BNIP3: variants seen among roughly 807,000 people sequenced by gnomAD.
BNIP3 encodes BCL2 interacting protein 3, also known as BCL2/adenovirus E1B 19 kDa protein-interacting protein 3.
In BNIP3, 16 loss-of-function variants were observed where a neutral mutation model predicts 23.9. The ratio of observed to expected loss-of-function variants is 0.67; its 90% confidence interval spans 0.45 to 1.01. The LOEUF (loss-of-function observed/expected upper bound fraction) is 1.01, where lower values mean the gene tolerates loss of function less well. Ranked by LOEUF, BNIP3 falls within the 50% of genes least tolerant of loss-of-function variation. The pLI is 0.00. For missense variants in BNIP3, 198 were observed against 248.7 expected, an observed-to-expected ratio of 0.80 and a Z score of 1.37; for synonymous variants, 81 against 89.3, an observed-to-expected ratio of 0.91 and a Z score of 0.53.
At chr10:131,973,246 T>TC (rs1208520586) in intron 2 of BNIP3, 128 bp from the exon 3 acceptor site, 5 of 915,216 alleles carry the variant, frequency 5.5e-6, no homozygotes, top group Non-Finnish European at 8.5e-6. Context: ...GTACGCGTCT[T>TC]CCCTTCCACC....
At chr10:131,979,876 G>C (rs558934466) in intron 1 of BNIP3, among the ~76,000 whole-genome samples, 20 of 152,340 alleles carry the variant, frequency 1.3e-4, no homozygotes, top group African/African-American at 4.3e-4. Flanking sequence ...ATTGTTCTCT[G>C]TTCCGAGGTC....
chr10:131,981,397 C>T, intron 1 of BNIP3: 1 of 334,854 alleles, frequency 3.0e-6, no homozygotes, highest in Non-Finnish European at 5.4e-6. Flanking sequence ...CTACAGACCG[C>T]GGAGGGCAAC....
In BNIP3 at chr10:131,981,609, GGGGTGGGTACGGAAGGGGA is replaced by G. The variant is rs1033873752; in HGVS notation, c.46+133_46+151del. On this transcript the variant is annotated intron_variant, in intron 1 of 5. Coordinates refer to ENST00000368636, the MANE Select transcript of BNIP3 (RefSeq NM_004052.4). Reference sequence around the variant, plus strand: ...CCCCGGGCTCCGCATGCCCGCAGGAGGGGTGGGTACGGAAGGGGAGGATGGCGCAGCCTCGCCCGGCCCG... The same window carrying G: ...CCCCGGGCTCCGCATGCCCGCAGGAGGGATGGCGCAGCCTCGCCCGGCCCG... 7.0e-4 allele frequency: 699 copies of G among 995,686 alleles called. 12 individuals carry two copies. In the East Asian group the frequency reaches 0.022, roughly 31 times the overall value. The allele number at this position is 995,686 out of a possible 1,614,324, so 61.7% of individuals were successfully genotyped here. A position where few individuals can be genotyped will look rare whatever the true frequency, so the allele number is the denominator to read the frequency against.
intron 1 of BNIP3, chr10:131,980,768 A>AGAGGTTT (rs966293163): frequency 2.6e-5 from 4 of 152,202 alleles, no homozygotes; most frequent in African/African-American, 9.6e-5. Context: ...GTTCACTGTC[A>AGAGGTTT]GAGGTTTCAG....
chr10:131,973,878 T>C lies in BNIP3; in HGVS notation c.112A>G (p.Ile38Val). ...NGGSVPASVS[I>V]YNGDMEKILL... ...ATTTTTTCCATGTCTCCATTATAAA[T>C]AGAAACCGAGGCTGGAACGCTGCCC... The change falls in exon 2 of 6, where the codon ATT becomes GTT. Residue 38 changes from isoleucine to valine, a missense_variant. Ile to Val is a conservative substitution (Grantham distance 29). Coordinates refer to ENST00000368636, the MANE Select transcript of BNIP3 (RefSeq NM_004052.4). 10 of 1,613,266 alleles carry C rather than the reference T, an allele frequency of 6.2e-6. No individual in the cohort carries two copies. The highest frequency in any genetic ancestry group is 2.2e-5 in the East Asian group (1 of 44,886).
In BNIP3 at chr10:131,972,826, C is replaced by G. The variant is rs573865425; in HGVS notation, c.282+208G>C. The stretch of plus-strand genomic sequence containing the variant: ...TGCCTGTCCCACTCGGCGCCTCCCC[C>G]GCTCAGCTGAGTGTCCAGCCCATGT... On this transcript the variant is annotated intron_variant, in intron 3 of 5. Transcript: ENST00000368636. 3.0e-4 allele frequency among the ~76,000 whole-genome samples: 46 copies of G among 152,214 alleles called. 1 individual carries two copies. Among genetic ancestry groups the G allele is most frequent in the Non-Finnish European group, 4.1e-4 (28 of 68,034 alleles).
intron 1 of BNIP3, chr10:131,981,337 C>A: frequency 4.3e-6 from 1 of 233,946 alleles, no homozygotes; most frequent in East Asian, 8.2e-5. Context: ...TCATAACAGG[C>A]CACTTGCCAC....
At chr10:131,969,030 G>C (rs1269454032) in intron 5 of BNIP3, 1 of 159,002 alleles carries the variant, frequency 6.3e-6, no homozygotes, top group Admixed American at 6.1e-5. Flanking sequence ...AAGGCTTTTC[G>C]GCAATAGAGA....
At chr10:131,974,410 C>T (rs961131900) in intron 1 of BNIP3, among the ~76,000 whole-genome samples, 1 of 152,208 alleles carries the variant, frequency 6.6e-6, no homozygotes, top group African/African-American at 2.4e-5. Flanking sequence ...CTTTTCGAGA[C>T]GGAGTCTCGC....
intron 2 of BNIP3, 190 bp downstream of exon 2, chr10:131,973,603 A>G: frequency 1.4e-6 from 1 of 691,510 alleles, no homozygotes; most frequent in Non-Finnish European, 2.3e-6. Flanking sequence ...ACTAAGTCCC[A>G]GGTCACTGCA....
chr10:131,972,469 G>C (rs2133692096), intron 3 of BNIP3, among the ~76,000 whole-genome samples: 1 of 152,326 alleles, frequency 6.6e-6, no homozygotes, highest in African/African-American at 2.4e-5. Flanking sequence ...TCCGGCACCA[G>C]TTAGCTCAGG....
chr10:131,972,322 A>G (rs2037042585), intron 3 of BNIP3, among the ~76,000 whole-genome samples: 1 of 152,158 alleles, frequency 6.6e-6, no homozygotes, highest in Admixed American at 6.5e-5. Context: ...TGGGAGGATC[A>G]CTTGAGCCCT....
intron 3 of BNIP3, 142 bp from the exon 4 acceptor site, chr10:131,971,112 G>A (rs1382286265): frequency 1.4e-6 from 1 of 738,974 alleles, no homozygotes; most frequent in Non-Finnish European, 2.2e-6. Flanking sequence ...CGTGGTCCAA[G>A]GGGAGTCCTG....
In BNIP3 at chr10:131,981,902, G is replaced by A. The variant is rs916377215; in HGVS notation, c.-96C>T. ...GGGAAAGCGGAGGTCGGAGCGCCGC[G>A]GCCCAGCTGCGCTCCCGGACTGAGC... On this transcript the variant is annotated 5_prime_UTR_variant, in exon 1 of 6. Coordinates refer to ENST00000368636, the MANE Select transcript of BNIP3 (RefSeq NM_004052.4). 9 of 1,322,618 alleles carry A rather than the reference G, an allele frequency of 6.8e-6. No homozygotes were observed. Among genetic ancestry groups the A allele is most frequent in the East Asian group, 3.1e-5 (1 of 32,008 alleles). 81.9% of individuals were successfully genotyped at this position (1,322,618 alleles called of 1,614,324 possible). A position where few individuals can be genotyped will look rare whatever the true frequency, so the allele number is the denominator to read the frequency against.
intron 2 of BNIP3, 79 bp downstream of exon 2, chr10:131,973,714 C>T (rs1246322394): frequency 2.5e-6 from 4 of 1,571,738 alleles, no homozygotes. Flanking sequence ...CTAGAGGTGA[C>T]ACGGGCACTT....
Position 131,970,459 on chromosome 10 carries a change from T to G in BNIP3, c.539+179A>C. ...CCACAGGGCGCCTGTGCTGGGGCCT[T>G]TGGGGGCTGCAGGCTGGTGGTTTCT... On this transcript the variant is annotated intron_variant, in intron 5 of 5. Transcript: ENST00000368636. The surrounding 1 kb of genome is among the most constrained non-coding windows in gnomAD (Gnocchi z 4.1). The G allele has an allele frequency of 2.2e-6, 2 of 906,450 alleles. No homozygotes were observed. Among genetic ancestry groups the G allele is most frequent in the Non-Finnish European group, 3.2e-6 (2 of 616,702 alleles). The allele number at this position is 906,450 out of a possible 1,614,324, so 56.2% of individuals were successfully genotyped here.
chr10:131,979,068 T>TA (rs1306377621), intron 1 of BNIP3, among the ~76,000 whole-genome samples: 1 of 151,992 alleles, frequency 6.6e-6, no homozygotes, highest in African/African-American at 2.4e-5. Flanking sequence ...CCTCCTCTCC[T>TA]CCAGGACCCT....
rs1265270527 is a variant in BNIP3 at position 131,970,093 on chromosome 10, C to T, written c.539+545G>A. 4 of 153,506 alleles carry T rather than the reference C, an allele frequency of 2.6e-5. No individual in the cohort carries two copies. Among genetic ancestry groups the T allele is most frequent in the African/African-American group, 9.6e-5 (4 of 41,464 alleles). 9.5% of individuals were successfully genotyped at this position (153,506 alleles called of 1,614,324 possible). A position where few individuals can be genotyped will look rare whatever the true frequency, so the allele number is the denominator to read the frequency against. On this transcript the variant is annotated intron_variant, in intron 5 of 5. Transcript: ENST00000368636. The surrounding 1 kb of genome is among the most constrained non-coding windows in gnomAD (Gnocchi z 4.1). ...ACCCAGGAGGCTGAGGCAGGAGAGT[C>T]GCTTGAACCCAGGAGGCAGAGGCTG... is the stretch of plus-strand genomic sequence containing the variant.
At chr10:131,978,612 G>C (rs1589977848) in intron 1 of BNIP3, among the ~76,000 whole-genome samples, 1 of 152,304 alleles carries the variant, frequency 6.6e-6, no homozygotes, top group African/African-American at 2.4e-5. Flanking sequence ...CTAACCTGGG[G>C]TGACAACCTC....
Sources: gnomAD v4.1 joint callset for allele counts (sites outside exome capture counted in the v4.1 genomes callset) on GRCh38, gnomAD v4.1.1 for gene constraint, Gnocchi (gnomAD v3.1) non-coding constraint, MANE v1.5 for transcripts, NCBI Gene and HGNC (gene_info 2026-07-23, HGNC 2026-07-21) for gene names.